Variants in NIN observed in about 807,000 individuals in gnomAD.
The protein encoded by NIN is glycogen synthase kinase 3 beta-interacting protein.
A neutral mutation model predicts 257.6 loss-of-function variants in NIN; 137 were observed. That is an observed-to-expected ratio of 0.53 (90% CI 0.46 to 0.61). The LOEUF (loss-of-function observed/expected upper bound fraction) is 0.61. NIN is among the 20% of genes least tolerant of loss of function. The probability of loss-of-function intolerance (pLI) is 0.00; values close to 1 mark genes in which losing one functional copy is unlikely to be tolerated. For synonymous variants in NIN, 918 were observed against 919.8 expected, an observed-to-expected ratio of 1.00 and a Z score of 0.04; for missense variants, 2,439 against 2,501.2, an observed-to-expected ratio of 0.98 and a Z score of 0.53.
intron 2 of NIN, among the ~76,000 whole-genome samples, chr14:50,826,598 G>A (rs2142537091): frequency 6.6e-6 from 1 of 152,212 alleles, no homozygotes; most frequent in East Asian, 1.9e-4. Flanking sequence ...GTGGACATGT[G>A]GATTTATGAA....
At chr14:50,763,997 G>T in intron 14 of NIN, 33 bp from the exon 15 acceptor site, 1 of 1,583,114 alleles carries the variant, frequency 6.3e-7, no homozygotes, top group Non-Finnish European at 8.7e-7. Context: ...GGTCTTAGAT[G>T]TGACACCAAA....
chr14:50,800,029 C>G (rs1291668689), intron 4 of NIN, among the ~76,000 whole-genome samples: 1 of 151,584 alleles, frequency 6.6e-6, no homozygotes, highest in Non-Finnish European at 1.5e-5. Context: ...CACACACACA[C>G]ACACACACAC....
At chr14:50,780,329 C>A (rs958633343) in intron 5 of NIN, among the ~76,000 whole-genome samples, 4 of 152,200 alleles carry the variant, frequency 2.6e-5, no homozygotes, top group African/African-American at 9.7e-5. Flanking sequence ...TAACAAATAA[C>A]CAGCACGTTT....
intron 28 of NIN, chr14:50,730,898 A>C (rs768522875): frequency 1.5e-6 from 2 of 1,336,134 alleles, no homozygotes; most frequent in South Asian, 2.4e-5. Flanking sequence ...ATGCTATGAA[A>C]GTTCATTGAA....
rs1334485143 is a variant in NIN, at chr14:50,744,249, G to A, written c.5181C>T (p.Val1727=). 9.3e-6 allele frequency: 15 copies of A among 1,613,416 alleles called. No individual in the cohort carries two copies. The highest frequency in any genetic ancestry group is 1.6e-4 in the Middle Eastern group (1 of 6,084). Residue 1727 remains valine (V), a synonymous_variant, in exon 23 of 31, where the codon GTC becomes GTT. Transcript: ENST00000530997. ...EALSEELNSC[V]DKLAKSSLLE... The stretch of plus-strand genomic sequence containing the variant: ...GTCTTATTACTTCTACTACCTTATC[G>A]ACACAGCTATTTAATTCCTCACTCA...
chr14:50,792,979 A>C, intron 4 of NIN, 98 bp from the exon 5 acceptor site: 4 of 1,232,538 alleles, frequency 3.2e-6, no homozygotes, highest in African/African-American at 1.5e-5. Flanking sequence ...TACCAACCTC[A>C]AAATAAACCA....
chr14:50,776,512 G>A (rs1041740768), intron 7 of NIN, among the ~76,000 whole-genome samples: 6 of 152,162 alleles, frequency 3.9e-5, no homozygotes, highest in Non-Finnish European at 8.8e-5. Flanking sequence ...AGAACTCAGA[G>A]ATGATATTGA....
At position 50,723,659 on chromosome 14, in the gene NIN, G is replaced by C. The variant is rs768674786; in HGVS notation, c.6206C>G (p.Thr2069Ser). Residue 2069 changes from threonine (T) to serine (S), a missense_variant, in exon 31 of 31, where the codon ACT becomes AGT. Physicochemically the swap from Thr to Ser is moderately conservative, Grantham distance 58. Coordinates refer to ENST00000530997, the MANE Select transcript of NIN (RefSeq NM_020921.4). ...GTCCTTCACCATTGCGTCTGCCTTAGTGTTCTTGCAGAGCTAGAAACAGAA... is the reference window on the plus strand; with the variant it reads ...GTCCTTCACCATTGCGTCTGCCTTACTGTTCTTGCAGAGCTAGAAACAGAA... ...NQLKEQLCKN[T>S]KADAMVKDLY... 6.1e-5 allele frequency: 98 copies of C among 1,613,626 alleles called. No homozygotes were observed. Among genetic ancestry groups the C allele is most frequent in the Non-Finnish European group, 8.0e-5 (94 of 1,179,728 alleles).
chr14:50,764,037 T>C, intron 14 of NIN, 73 bp from the exon 15 acceptor site: 1 of 1,325,302 alleles, frequency 7.5e-7, no homozygotes, highest in Non-Finnish European at 1.1e-6. Flanking sequence ...ACAAAAAAGA[T>C]AAATTGGATA....
chr14:50,765,234 C>T (rs1316016667), intron 14 of NIN, among the ~76,000 whole-genome samples: 1 of 151,884 alleles, frequency 6.6e-6, no homozygotes, highest in Non-Finnish European at 1.5e-5. Context: ...TAGATTCCGT[C>T]TTAAAAAAAG....
Position 50,725,989 on chromosome 14 carries a change from C to A in NIN, c.6156G>T (p.Arg2052Ser), listed in dbSNP as rs534805269. The part of the protein sequence containing the change: ...EVEQKLKLVK[R>S]LLQEKVNQLK... ...GCTGATTCACTTTCTCTTGAAGAAG[C>A]CTTTTCACTAGTTTCAGTTTCTGTT... Residue 2052 changes from arginine (R) to serine (S), a missense_variant, in exon 30 of 31, where the codon AGG (arginine) becomes AGT (serine). This residue lies in a region of NIN where 2,043 missense variants were observed against 2,050.2 expected (regional missense o/e 1.00). Transcript: ENST00000530997. 4.2e-5 allele frequency: 67 copies of A among 1,613,962 alleles called. No individual in the cohort carries two copies. The highest frequency in any genetic ancestry group is 5.2e-5 in the Non-Finnish European group (61 of 1,179,980).
At chr14:50,759,257 A>G (rs1237221416) in intron 17 of NIN, among the ~76,000 whole-genome samples, 1 of 152,232 alleles carries the variant, frequency 6.6e-6, no homozygotes, top group Non-Finnish European at 1.5e-5. Context: ...TGAACTAGGA[A>G]GGAACCACTT....
At chr14:50,744,035 AATAAT>A (rs1283183964) in intron 23 of NIN, among the ~76,000 whole-genome samples, 9 of 152,338 alleles carry the variant, frequency 5.9e-5, no homozygotes, top group African/African-American at 2.2e-4. Context: ...TATCGAGTTT[AATAAT>A]ATAATTAGTA....
Position 50,757,615 on chromosome 14 carries a change from T to C in NIN, c.3415A>G (p.Thr1139Ala), listed in dbSNP as rs780753770. The C allele has an allele frequency of 6.8e-6, 11 of 1,614,142 alleles. No individual in the cohort carries two copies. Among genetic ancestry groups the C allele is most frequent in the Non-Finnish European group, 9.3e-6 (11 of 1,180,034 alleles). Residue 1139 changes from threonine (T) to alanine (A), a missense_variant, in exon 18 of 31, where the codon ACC becomes GCC. By Grantham distance (58) the Thr-to-Ala change is moderately conservative (BLOSUM62 0). Around this residue, in one of 3 missense-constraint regions of NIN, gnomAD observed 2,043 missense variants for 2,050.2 expected, o/e 1.00. Transcript: ENST00000530997. ...AGGTCACTTAGGACATGCCGCCTGG[T>C]CACACCTTCTACTTGCTTCGTTCGG... ...QNRTKQVEGVTRRHVLSDLED... is the reference protein window; with the variant it reads ...QNRTKQVEGVARRHVLSDLED...
At chr14:50,822,730 T>C (rs1026669704) in intron 2 of NIN, among the ~76,000 whole-genome samples, 6 of 152,166 alleles carry the variant, frequency 3.9e-5, no homozygotes, top group African/African-American at 1.4e-4. Flanking sequence ...ACTAAATGCC[T>C]TTTACACGAG....
At chr14:50,738,918 T>C (rs1025296553) in intron 26 of NIN, among the ~76,000 whole-genome samples, 11 of 152,186 alleles carry the variant, frequency 7.2e-5, no homozygotes, top group South Asian at 4.1e-4. Flanking sequence ...AAATGCTGTC[T>C]TTTAAAGGAG....
chr14:50,776,230 T>G (rs568205668), intron 7 of NIN, among the ~76,000 whole-genome samples: 2 of 152,306 alleles, frequency 1.3e-5, no homozygotes, highest in South Asian at 4.1e-4. Flanking sequence ...TTCACAGCTA[T>G]TCATGCACCC....
intron 28 of NIN, among the ~76,000 whole-genome samples, chr14:50,732,522 A>G (rs909119969): frequency 2.0e-5 from 3 of 152,260 alleles, no homozygotes; most frequent in South Asian, 4.1e-4. Context: ...AAGGAGTGGT[A>G]ATGGTTGTAG....
At chr14:50,742,964 ATTTAC>A (rs1434942648) in intron 24 of NIN, among the ~76,000 whole-genome samples, 2 of 151,772 alleles carry the variant, frequency 1.3e-5, no homozygotes, top group Admixed American at 6.6e-5. Flanking sequence ...GTCATACTAT[ATTTAC>A]TTTTCTTTTT....
Sources: gnomAD v4.1 joint callset for allele counts (sites outside exome capture counted in the v4.1 genomes callset) on GRCh38, gnomAD v4.1.1 for gene constraint, gnomAD v4.1.1 regional missense constraint, MANE v1.5 for transcripts, NCBI Gene and HGNC (gene_info 2026-07-23, HGNC 2026-07-21) for gene names.